The following TTC29 variants were observed in gnomAD, a reference collection of about 807,000 sequenced individuals.
TTC29 encodes tetratricopeptide repeat domain 29.
TTC29 carries 49 observed loss-of-function variants against 58.1 expected under a neutral mutation model. The observed-to-expected ratio is 0.84, with a 90% CI of 0.67 to 1.07. TTC29 has a LOEUF of 1.07. TTC29 is among the 50% of genes least tolerant of loss of function. TTC29 has a pLI of 0.00. For synonymous variants in TTC29, 209 were observed against 196.8 expected, an observed-to-expected ratio of 1.06 and a Z score of -0.52; for missense variants, 582 against 555.6, an observed-to-expected ratio of 1.05 and a Z score of -0.48.
intron 11 of TTC29, among the ~76,000 whole-genome samples, chr4:146,755,767 C>T (rs192300088): frequency 6.6e-6 from 1 of 151,906 alleles, no homozygotes; most frequent in East Asian, 1.9e-4. Context: ...TTTTAAAATA[C>T]TCTTTAAAAA....
At chr4:146,886,612 T>C (rs916042626) in intron 6 of TTC29, among the ~76,000 whole-genome samples, 2 of 152,072 alleles carry the variant, frequency 1.3e-5, no homozygotes, top group Non-Finnish European at 2.9e-5. Flanking sequence ...TGTTGGCAAA[T>C]GAAAGAGGAC....
chr4:146,825,944 A>ATTTTT (rs747122709), intron 9 of TTC29, among the ~76,000 whole-genome samples: 8,935 of 148,864 alleles, frequency 0.06, 358 homozygotes, highest in Admixed American at 0.12. Flanking sequence ...TTTTTTTAAA[A>ATTTTT]AAATTTCCAT....
intron 6 of TTC29, among the ~76,000 whole-genome samples, chr4:146,893,863 G>T (rs1263836280): frequency 1.3e-5 from 2 of 152,112 alleles, no homozygotes; most frequent in Non-Finnish European, 2.9e-5. Flanking sequence ...TCAAAAAGTG[G>T]GTGAAGGATA....
At chr4:146,753,144 C>T (rs920539576) in intron 11 of TTC29, among the ~76,000 whole-genome samples, 7 of 152,230 alleles carry the variant, frequency 4.6e-5, no homozygotes, top group African/African-American at 1.4e-4. Flanking sequence ...ATTTTTGCAA[C>T]CTACTCATCT....
At chr4:146,783,487 G>A (rs1748773216) in intron 11 of TTC29, among the ~76,000 whole-genome samples, 1 of 151,966 alleles carries the variant, frequency 6.6e-6, no homozygotes, top group South Asian at 2.1e-4. Flanking sequence ...ACACTCACAT[G>A]TGAACACATT....
intron 11 of TTC29, among the ~76,000 whole-genome samples, chr4:146,737,600 G>GA (rs1475013610): frequency 2.0e-5 from 3 of 147,514 alleles, no homozygotes; most frequent in Non-Finnish European, 4.5e-5. Flanking sequence ...TGGGGGGGGG[G>GA]GGGCTACAAA....
intron 10 of TTC29, among the ~76,000 whole-genome samples, chr4:146,805,994 G>T (rs1196707809): frequency 2.0e-5 from 3 of 152,138 alleles, no homozygotes; most frequent in African/African-American, 7.2e-5. Context: ...GAAAGGTCGG[G>T]TTACCCACAA....
chr4:146,737,217 T>C (rs996445141), intron 11 of TTC29, among the ~76,000 whole-genome samples: 15 of 152,238 alleles, frequency 9.9e-5, no homozygotes, highest in Admixed American at 2.0e-4. Flanking sequence ...CCTGCCCTTT[T>C]AAAGAAATGC....
At chr4:146,907,492 G>C (rs1733598294) in intron 5 of TTC29, among the ~76,000 whole-genome samples, 2 of 151,952 alleles carry the variant, frequency 1.3e-5, no homozygotes, top group Admixed American at 1.3e-4. Flanking sequence ...AGGTTGTTTT[G>C]TTTTGTTTTG....
In TTC29 at chr4:146,903,717, T is replaced by G; in HGVS notation, c.413A>C (p.Asp138Ala). ...EDAERKESFEDVHNNLYALAC... is the reference protein window; with the variant it reads ...EDAERKESFEAVHNNLYALAC... ...CAGAGCATACAAGTTATTATGTACA[T>G]CTTCGAAGGATTCTTCAAAGAGAGA... Residue 138 changes from aspartate (D) to alanine (A), a missense_variant, in exon 6 of 13, where the codon GAT (aspartate) becomes GCT (alanine). Asp to Ala is a moderately radical substitution (Grantham distance 126). Coordinates refer to ENST00000325106, the MANE Select transcript of TTC29 (RefSeq NM_031956.4). 1 of 1,576,830 alleles carries G rather than the reference T, an allele frequency of 6.3e-7. No homozygotes were observed. The highest frequency in any genetic ancestry group is 8.6e-7 in the Non-Finnish European group (1 of 1,162,700).
At chr4:146,732,057 A>G (rs574334568) in intron 11 of TTC29, among the ~76,000 whole-genome samples, 105 of 152,284 alleles carry the variant, frequency 6.9e-4, no homozygotes, top group African/African-American at 2.5e-3. Flanking sequence ...GAAACAAAAT[A>G]AATCCTTTTG....
At chr4:146,920,348 T>C (rs75057982) in intron 4 of TTC29, among the ~76,000 whole-genome samples, 8,943 of 151,122 alleles carry the variant, frequency 0.059, 370 homozygotes, top group Admixed American at 0.13. Flanking sequence ...TCTAAACATA[T>C]ATTTCCCTAT....
At chr4:146,776,629 G>A (rs889086870) in intron 11 of TTC29, among the ~76,000 whole-genome samples, 13 of 152,156 alleles carry the variant, frequency 8.5e-5, no homozygotes, top group African/African-American at 3.1e-4. Flanking sequence ...CTGGCCCCTG[G>A]AGGTTAGGAA....
chr4:146,929,862 AAT>A (rs1455306482), intron 4 of TTC29, among the ~76,000 whole-genome samples: 4 of 151,996 alleles, frequency 2.6e-5, no homozygotes, highest in African/African-American at 9.7e-5. Context: ...GCCTGTATTT[AAT>A]ATGACTTAAC....
At chr4:146,715,740 A>G (rs1416126013) in intron 11 of TTC29, among the ~76,000 whole-genome samples, 2 of 152,112 alleles carry the variant, frequency 1.3e-5, no homozygotes, top group East Asian at 1.9e-4. Flanking sequence ...TTTATTGACT[A>G]TTTTCCAAAA....
chr4:146,712,766 C>G (rs919783002), intron 11 of TTC29, among the ~76,000 whole-genome samples: 4 of 151,990 alleles, frequency 2.6e-5, no homozygotes, highest in Non-Finnish European at 5.9e-5. Context: ...CACCTAGGGA[C>G]TTGCAAAAGA....
chr4:146,890,715 G>A (rs750911459), intron 6 of TTC29, among the ~76,000 whole-genome samples: 24 of 152,304 alleles, frequency 1.6e-4, no homozygotes, highest in Non-Finnish European at 2.5e-4. Flanking sequence ...ACACATAGAG[G>A]GCCTGGGCTT....
intron 11 of TTC29, among the ~76,000 whole-genome samples, chr4:146,787,083 A>G (rs1749079528): frequency 1.3e-5 from 2 of 152,186 alleles, no homozygotes; most frequent in African/African-American, 4.8e-5. Context: ...AAACAAATCA[A>G]AATAACATTT....
At chr4:146,928,900 A>C (rs1247227225) in intron 4 of TTC29, among the ~76,000 whole-genome samples, 2 of 152,186 alleles carry the variant, frequency 1.3e-5, no homozygotes, top group African/African-American at 4.8e-5. Flanking sequence ...GTTTCCTAGC[A>C]TACTTAGAAG....
Sources: allele counts gnomAD v4.1 joint callset (sites outside exome capture counted in the v4.1 genomes callset), GRCh38; gene constraint gnomAD v4.1.1; transcripts MANE v1.5; gene names NCBI Gene and HGNC (gene_info 2026-07-23, HGNC 2026-07-21).